Variants in MBD5 observed in about 807,000 individuals in gnomAD.
The protein encoded by MBD5 is methyl-CpG binding domain protein 5.
In MBD5, 13 loss-of-function variants were observed where a neutral mutation model predicts 117.3. That is an observed-to-expected ratio of 0.11 (90% CI 0.07 to 0.18). MBD5 has a LOEUF of 0.18. Among genes scored for constraint, MBD5 ranks in the 10% least tolerant of loss-of-function variants. MBD5 has a pLI of 1.00. For missense variants in MBD5, 1,879 were observed against 2,093.8 expected, an observed-to-expected ratio of 0.90 and a Z score of 2.00; for synonymous variants, 727 against 766.4, an observed-to-expected ratio of 0.95 and a Z score of 0.85.
chr2:148,386,265 G>A (rs1249664560), intron 4 of MBD5, among the ~76,000 whole-genome samples: 2 of 152,012 alleles, frequency 1.3e-5, no homozygotes, highest in Non-Finnish European at 2.9e-5. Context: ...CAGCCAATGG[G>A]ATCCACAAAA....
chr2:148,115,680 T>C (rs1399870099), intron 1 of MBD5, among the ~76,000 whole-genome samples: 8 of 152,182 alleles, frequency 5.3e-5, no homozygotes, highest in Non-Finnish European at 1.5e-5. Flanking sequence ...TCCTAATTTA[T>C]CATATCTTTT....
intron 3 of MBD5, among the ~76,000 whole-genome samples, chr2:148,279,869 A>G (rs1023507505): frequency 6.6e-6 from 1 of 152,016 alleles, no homozygotes. Context: ...TGCAGCCTCA[A>G]ACTCCATGGG....
intron 1 of MBD5, among the ~76,000 whole-genome samples, chr2:148,147,306 G>A (rs530483600): frequency 6.6e-6 from 1 of 151,282 alleles, no homozygotes; most frequent in African/African-American, 2.4e-5. Flanking sequence ...GCAGTGGGAC[G>A]ATCTTGGTTC....
rs1173237072 is a variant in MBD5 at position 148,483,852 on chromosome 2, C to T, written c.3261C>T (p.Pro1087=). 1.3e-6 allele frequency: 2 copies of T among 1,550,464 alleles called. No individual in the cohort carries two copies. Among genetic ancestry groups the T allele is most frequent in the South Asian group, 1.2e-5 (1 of 84,062 alleles). The change falls in exon 9 of 14, where the codon CCC becomes CCT. Residue 1087 remains proline, a synonymous_variant. Coordinates refer to ENST00000642680, the MANE Select transcript of MBD5 (RefSeq NM_001378120.1). Reference sequence around the variant, plus strand: ...CCTCAGGATTAATGACCTTGAATCCCCAGCTGTTGGGAGGTGTCCTGAACT... The same window carrying T: ...CCTCAGGATTAATGACCTTGAATCCTCAGCTGTTGGGAGGTGTCCTGAACT... ...NGASGLMTLN[P]QLLGGVLNSA...
chr2:148,102,725 CACACAGAGAGAGAGAG>C (rs1363882832), intron 1 of MBD5, among the ~76,000 whole-genome samples: 107 of 69,080 alleles, frequency 1.5e-3, no homozygotes, highest in African/African-American at 5.1e-3. Context: ...CACACACACA[CACACAGAGAGAGAGAG>C]AGAGAGAGAG....
At chr2:148,227,089 C>T (rs568831816) in intron 2 of MBD5, among the ~76,000 whole-genome samples, 3 of 152,102 alleles carry the variant, frequency 2.0e-5, no homozygotes, top group Non-Finnish European at 2.9e-5. Context: ...TGGTAGTTTC[C>T]TTTGCTGTGC....
chr2:148,078,917 T>C (rs1261796840), intron 1 of MBD5, among the ~76,000 whole-genome samples: 1 of 152,212 alleles, frequency 6.6e-6, no homozygotes, highest in African/African-American at 2.4e-5. Flanking sequence ...ATTTTATTAA[T>C]TGCCCCATTG....
At chr2:148,511,250 A>T (rs1022767222) in intron 13 of MBD5, among the ~76,000 whole-genome samples, 1 of 152,250 alleles carries the variant, frequency 6.6e-6, no homozygotes, top group Non-Finnish European at 1.5e-5. Flanking sequence ...CTGGAAGCTC[A>T]TTCTGTTGAC....
rs58961481 is a variant in MBD5 at position 148,294,501 on chromosome 2, G to GTTTTTTTTTTTTTTTTTTTTTT, written c.-679-47693_-679-47692insTTTTTTTTTTTTTTTTTTTTTT. Among the ~76,000 whole-genome samples the GTTTTTTTTTTTTTTTTTTTTTT allele has an allele frequency of 2.6e-4, 29 of 113,252 alleles. 2 individuals are homozygous for GTTTTTTTTTTTTTTTTTTTTTT. Among genetic ancestry groups the GTTTTTTTTTTTTTTTTTTTTTT allele is most frequent in the African/African-American group, 9.9e-4 (27 of 27,294 alleles). The allele number at this position is 113,252 out of a possible 152,430, so 74.3% of individuals were successfully genotyped here. On this transcript the variant is annotated intron_variant, in intron 3 of 13. Coordinates refer to ENST00000642680, the MANE Select transcript of MBD5 (RefSeq NM_001378120.1). Reference sequence around the variant, plus strand: ...GGCCTCCCAAAGTGCTGGGATTACAGTTTTTTTTTTTTTTTTTTTTGAGAT... The same window carrying GTTTTTTTTTTTTTTTTTTTTTT: ...GGCCTCCCAAAGTGCTGGGATTACAGTTTTTTTTTTTTTTTTTTTTTTTTTTTTTTTTTTTTTTTTTTGAGAT...
At chr2:148,029,674 A>G (rs901251375) in intron 1 of MBD5, among the ~76,000 whole-genome samples, 13 of 152,186 alleles carry the variant, frequency 8.5e-5, no homozygotes, top group Non-Finnish European at 1.6e-4. Flanking sequence ...GCCAGTCAGA[A>G]AAGGATTTGA....
intron 1 of MBD5, among the ~76,000 whole-genome samples, chr2:148,073,920 A>G (rs1211020273): frequency 6.6e-6 from 1 of 152,202 alleles, no homozygotes; most frequent in Non-Finnish European, 1.5e-5. Context: ...GTAAAACAGC[A>G]TATCATGTAT....
chr2:148,174,229 T>C (rs1574095079), intron 1 of MBD5, among the ~76,000 whole-genome samples: 1 of 152,146 alleles, frequency 6.6e-6, no homozygotes, highest in Non-Finnish European at 1.5e-5. Context: ...ATAAATGATG[T>C]TGGGGAAAGC....
intron 1 of MBD5, among the ~76,000 whole-genome samples, chr2:148,118,247 G>A (rs1273623956): frequency 1.3e-5 from 2 of 152,008 alleles, no homozygotes; most frequent in African/African-American, 4.8e-5. Flanking sequence ...GTCAAAATGT[G>A]CCCCCCAAAT....
intron 4 of MBD5, among the ~76,000 whole-genome samples, chr2:148,373,496 T>G (rs528845940): frequency 2.6e-5 from 4 of 152,166 alleles, no homozygotes; most frequent in Non-Finnish European, 5.9e-5. Context: ...CTTTCACTTA[T>G]CATATATTAT....
intron 4 of MBD5, among the ~76,000 whole-genome samples, chr2:148,442,227 G>A (rs1706349182): frequency 6.6e-6 from 1 of 151,332 alleles, no homozygotes; most frequent in South Asian, 2.1e-4. Context: ...ATCTTATGGC[G>A]ACTAGCTCAG....
chr2:148,056,540 A>C (rs1356160676), intron 1 of MBD5, among the ~76,000 whole-genome samples: 1 of 152,048 alleles, frequency 6.6e-6, no homozygotes, highest in Admixed American at 6.5e-5. Context: ...AGTTATATTA[A>C]ATGTGTTTAT....
chr2:148,338,774 A>G (rs1156903471), intron 3 of MBD5, among the ~76,000 whole-genome samples: 1 of 152,228 alleles, frequency 6.6e-6, no homozygotes, highest in Non-Finnish European at 1.5e-5. Flanking sequence ...AGGCCTTTGT[A>G]TGCTGGGCCA....
chr2:148,059,119 A>T (rs1471234763), intron 1 of MBD5, among the ~76,000 whole-genome samples: 5 of 152,206 alleles, frequency 3.3e-5, no homozygotes, highest in Non-Finnish European at 1.5e-5. Context: ...GAACACTGAC[A>T]AGAACTTTGT....
intron 3 of MBD5, among the ~76,000 whole-genome samples, chr2:148,326,007 A>G (rs1702439300): frequency 6.6e-6 from 1 of 152,016 alleles, no homozygotes; most frequent in Non-Finnish European, 1.5e-5. Context: ...ACTGCTTTGA[A>G]TGTGTCCCAG....
Sources: gnomAD v4.1 joint callset for allele counts (sites outside exome capture counted in the v4.1 genomes callset) on GRCh38, gnomAD v4.1.1 for gene constraint, MANE v1.5 for transcripts, NCBI Gene and HGNC (gene_info 2026-07-23, HGNC 2026-07-21) for gene names.